TSTD2: variants seen among roughly 807,000 people sequenced by gnomAD.
TSTD2 encodes thiosulfate sulfurtransferase like domain containing 2.
Under a neutral mutation model 47.9 loss-of-function variants are expected in TSTD2, and 37 were observed. That is an observed-to-expected ratio of 0.77 (90% CI 0.59 to 1.02). The LOEUF (loss-of-function observed/expected upper bound fraction) is 1.02, where lower values mean the gene tolerates loss of function less well. Ranked by LOEUF, TSTD2 falls within the 50% of genes least tolerant of loss-of-function variation. The pLI, the probability that TSTD2 is intolerant of heterozygous loss-of-function variation, is 0.00. For missense variants in TSTD2, 586 were observed against 616.0 expected (o/e 0.95, Z 0.52); for synonymous variants, 201 against 215.9 (o/e 0.93, Z 0.61).
intron 1 of TSTD2, among the ~76,000 whole-genome samples, chr9:97,632,483 CACCTCGGCCCCCA>C (rs1254693739): frequency 6.6e-6 from 1 of 151,476 alleles, no homozygotes; most frequent in Non-Finnish European, 1.5e-5. Context: ...GGGATCCTCC[CACCTCGGCCCCCA>C]ACCCTCCCCT....
intron 6 of TSTD2, among the ~76,000 whole-genome samples, chr9:97,609,494 A>T (rs1826422279): frequency 6.6e-6 from 1 of 152,254 alleles, no homozygotes; most frequent in Non-Finnish European, 1.5e-5. Context: ...AAAGAGACAT[A>T]CTGATGAATC....
At chr9:97,627,132 G>C (rs1826735120) in intron 2 of TSTD2, among the ~76,000 whole-genome samples, 2 of 151,906 alleles carry the variant, frequency 1.3e-5, no homozygotes, top group Admixed American at 6.6e-5. Context: ...TTTCAACTTT[G>C]TTTATGGTCT....
At chr9:97,612,278 G>T (rs903878432) in intron 4 of TSTD2, among the ~76,000 whole-genome samples, 1 of 152,146 alleles carries the variant, frequency 6.6e-6, no homozygotes, top group Non-Finnish European at 1.5e-5. Context: ...CCATGTCTTT[G>T]CTACTGTGAA....
intron 1 of TSTD2, 75 bp from the exon 2 acceptor site, chr9:97,627,687 C>T (rs996227491): frequency 2.9e-5 from 29 of 994,124 alleles, no homozygotes; most frequent in Admixed American, 2.5e-4. Flanking sequence ...TAATCAATCA[C>T]GCAAATCAGC....
rs1587983444 is a variant in TSTD2, at chr9:97,624,569, C to T, written c.482+1112G>A. On this transcript the variant is annotated intron_variant, in intron 3 of 9. Coordinates refer to ENST00000341170, the MANE Select transcript of TSTD2 (RefSeq NM_139246.5). ...ATTAGAAGAGAGGGAGGAGAGGTAA[C>T]AGAAGAGTAAGTCTGAGCCGTCTTA... Among the ~76,000 whole-genome samples, 3 of 152,230 alleles carry T rather than the reference C, an allele frequency of 2.0e-5. No homozygotes were observed. The East Asian group carries it at 5.8e-4, about 29-fold the overall frequency.
Position 97,605,720 on chromosome 9 carries a change from A to C in TSTD2, c.955-79T>G, listed in dbSNP as rs1826354809. On this transcript the variant is annotated intron_variant, in intron 7 of 9. Coordinates refer to ENST00000341170, the MANE Select transcript of TSTD2 (RefSeq NM_139246.5). ...AACAAAGGTTCTTTTTGTACCCAAC[A>C]AACCCTACTTAGCAAAGAAGCCCCT... 1.5e-5 allele frequency: 23 copies of C among 1,576,618 alleles called. No homozygotes were observed. In the South Asian group the frequency reaches 2.6e-4, roughly 18 times the overall value.
chr9:97,608,051 C>T (rs755346776), intron 6 of TSTD2, among the ~76,000 whole-genome samples: 2 of 151,754 alleles, frequency 1.3e-5, no homozygotes, highest in Non-Finnish European at 2.9e-5. Flanking sequence ...GGCGTGGTGG[C>T]GCATGCCTGT....
intron 4 of TSTD2, among the ~76,000 whole-genome samples, chr9:97,614,520 C>T (rs911743137): frequency 3.3e-5 from 5 of 152,160 alleles, no homozygotes; most frequent in Non-Finnish European, 2.9e-5. Context: ...ATTATACTTT[C>T]AGATAGTAAT....
In TSTD2 at chr9:97,605,658, A is replaced by G. The variant is rs1183102163; in HGVS notation, c.955-17T>C. On this transcript the variant is annotated splice_polypyrimidine_tract_variant and intron_variant, in intron 7 of 9. Coordinates refer to ENST00000341170, the MANE Select transcript of TSTD2 (RefSeq NM_139246.5). The stretch of plus-strand genomic sequence containing the variant: ...GAATCGTCCCTGTAACATAGGAGCA[A>G]CAAAAGGAAAATTATCAGAAAAACA... The G allele has an allele frequency of 6.2e-7, 1 of 1,614,044 alleles. No individual in the cohort carries two copies. The highest frequency in any genetic ancestry group is 1.3e-5 in the African/African-American group (1 of 75,012).
chr9:97,625,730 A>C lies in TSTD2; in HGVS notation c.433T>G (p.Ser145Ala). ...CAGCTTATATCAGGGAGCCAAGCAG[A>C]CACGTCATGGCTATGTGGAAGGCAC... ...KECLPHSHDV[S>A]AWLPDISCFN... The change falls in exon 3 of 10, where the codon TCT (serine) becomes GCT (alanine). Residue 145 changes from serine to alanine, a missense_variant. Ser to Ala is a moderately conservative substitution (Grantham distance 99). Coordinates refer to ENST00000341170, the MANE Select transcript of TSTD2 (RefSeq NM_139246.5). The C allele has an allele frequency of 6.2e-7, 1 of 1,614,110 alleles. No homozygotes were observed. Among genetic ancestry groups the C allele is most frequent in the Non-Finnish European group, 8.5e-7 (1 of 1,179,960 alleles).
intron 3 of TSTD2, among the ~76,000 whole-genome samples, chr9:97,624,930 C>CA (rs1554689918): frequency 1.3e-5 from 2 of 151,872 alleles, no homozygotes; most frequent in East Asian, 1.9e-4. Context: ...GAAACCCCCC[C>CA]TTTTTTTTGC....
At chr9:97,626,044 T>C (rs1826715035) in intron 2 of TSTD2, 47 bp from the exon 3 acceptor site, 1 of 1,522,586 alleles carries the variant, frequency 6.6e-7, no homozygotes, top group African/African-American at 1.4e-5. Flanking sequence ...ACCTTAGGTT[T>C]ATGGCTAATA....
intron 1 of TSTD2, among the ~76,000 whole-genome samples, chr9:97,631,166 G>T (rs1388285912): frequency 6.6e-6 from 1 of 152,136 alleles, no homozygotes; most frequent in East Asian, 1.9e-4. Flanking sequence ...CACCAGGCTG[G>T]AGTGCAGTGG....
chr9:97,622,073 A>C (rs1180352238), intron 3 of TSTD2, among the ~76,000 whole-genome samples: 1 of 151,952 alleles, frequency 6.6e-6, no homozygotes, highest in Non-Finnish European at 1.5e-5. Context: ...CAACACTTAG[A>C]GAAAATAGAA....
Position 97,625,740 on chromosome 9 carries a change from G to A in TSTD2, c.423C>T (p.Ser141=), listed in dbSNP as rs1395966062. ...CAGGGAGCCAAGCAGACACGTCATGGCTATGTGGAAGGCACTCTTTTAAAG... is the reference window on the plus strand; with the variant it reads ...CAGGGAGCCAAGCAGACACGTCATGACTATGTGGAAGGCACTCTTTTAAAG... ...KNPLKECLPH[S]HDVSAWLPDI... The change falls in exon 3 of 10, where the codon AGC becomes AGT. Residue 141 remains serine, a synonymous_variant. Coordinates refer to ENST00000341170, the MANE Select transcript of TSTD2 (RefSeq NM_139246.5). 2 of 1,614,116 alleles carry A rather than the reference G, an allele frequency of 1.2e-6. No homozygotes were observed. The highest frequency in any genetic ancestry group is 1.7e-5 in the Admixed American group (1 of 60,022).
chr9:97,614,305 C>A lies in TSTD2; in HGVS notation c.604-2606G>T, dbSNP rs1439471425. ...TAGGAAAATAAAAACCATCGATAAC[C>A]CTACATGCCTAGATAATCCTTACTA... On this transcript the variant is annotated intron_variant, in intron 4 of 9. Coordinates refer to ENST00000341170, the MANE Select transcript of TSTD2 (RefSeq NM_139246.5). Among the ~76,000 whole-genome samples, 7 of 151,920 alleles carry A rather than the reference C, an allele frequency of 4.6e-5. No homozygotes were observed. In the East Asian group the frequency reaches 1.4e-3, roughly 29 times the overall value.
chr9:97,601,238 ATC>A lies in TSTD2; in HGVS notation c.*1229_*1230del. 1 of 1,260,280 alleles carries A rather than the reference ATC, an allele frequency of 7.9e-7. No individual in the cohort carries two copies. Among genetic ancestry groups the A allele is most frequent in the Non-Finnish European group, 1.0e-6 (1 of 964,754 alleles). 78.1% of individuals were successfully genotyped at this position (1,260,280 alleles called of 1,614,324 possible). ...GCTGAAAACTGCAATATAATATTAA[ATC>A]TGTTGGTCTATGCATGGCTGCGTAT... On this transcript the variant is annotated 3_prime_UTR_variant, in exon 10 of 10. Transcript: ENST00000341170.
chr9:97,608,427 G>A (rs1826402255), intron 6 of TSTD2, among the ~76,000 whole-genome samples: 1 of 152,054 alleles, frequency 6.6e-6, no homozygotes, highest in African/African-American at 2.4e-5. Flanking sequence ...CTTGAGGTCA[G>A]GAGTTTGAGA....
At chr9:97,618,832 C>A (rs1460084205) in intron 3 of TSTD2, among the ~76,000 whole-genome samples, 1 of 152,212 alleles carries the variant, frequency 6.6e-6, no homozygotes, top group African/African-American at 2.4e-5. Context: ...TAGTCTCTTC[C>A]ATGCTTTCCA....
Sources: allele counts gnomAD v4.1 joint callset (sites outside exome capture counted in the v4.1 genomes callset), GRCh38; gene constraint gnomAD v4.1.1; transcripts MANE v1.5; gene names NCBI Gene and HGNC (gene_info 2026-07-23, HGNC 2026-07-21).